TBC1D4: variants seen among roughly 807,000 people sequenced by gnomAD.
TBC1D4 encodes the protein TBC (Tre-2, BUB2, CDC16) domain-containing protein.
Under a neutral mutation model 142.5 loss-of-function variants are expected in TBC1D4, and 121 were observed. The ratio of observed to expected loss-of-function variants is 0.85; its 90% CI spans 0.73 to 0.99. The LOEUF is 0.99. Ranked by LOEUF, TBC1D4 falls within the 50% of genes least tolerant of loss-of-function variation. The pLI, the probability that TBC1D4 is intolerant of heterozygous loss-of-function variation, is 0.00. For missense variants in TBC1D4, 1,475 were observed against 1,606.6 expected (o/e 0.92, Z 1.40); for synonymous variants, 630 against 628.2 (o/e 1.00, Z -0.04).
chr13:75,330,663 T>C (rs1298598100), intron 8 of TBC1D4, among the ~76,000 whole-genome samples: 2 of 152,254 alleles, frequency 1.3e-5, no homozygotes, highest in Non-Finnish European at 2.9e-5. Context: ...CTGTTACTAC[T>C]ACATCCCTAA....
intron 7 of TBC1D4, among the ~76,000 whole-genome samples, chr13:75,338,562 A>T (rs1251217857): frequency 2.0e-5 from 3 of 152,172 alleles, no homozygotes; most frequent in African/African-American, 7.2e-5. Context: ...CTCCTCCTGT[A>T]TGATCATTTC....
intron 1 of TBC1D4, among the ~76,000 whole-genome samples, chr13:75,369,341 A>C (rs1883097200): frequency 6.6e-6 from 1 of 152,078 alleles, no homozygotes; most frequent in Admixed American, 6.5e-5. Context: ...AAAAAATTTA[A>C]ACCAGGAAGG....
intron 19 of TBC1D4, among the ~76,000 whole-genome samples, chr13:75,291,236 C>T (rs188593152): frequency 6.6e-6 from 1 of 152,150 alleles, no homozygotes; most frequent in East Asian, 1.9e-4. Context: ...TAGAAGATGC[C>T]AGCACAAGAT....
intron 1 of TBC1D4, among the ~76,000 whole-genome samples, chr13:75,449,203 CAATATTATTG>C (rs1487918659): frequency 6.6e-6 from 1 of 151,652 alleles, no homozygotes; most frequent in African/African-American, 2.4e-5. Flanking sequence ...CCTAAAACTG[CAATATTATTG>C]AATATTATTG....
At chr13:75,472,123 A>G (rs9543939) in intron 1 of TBC1D4, among the ~76,000 whole-genome samples, 111,805 of 146,848 alleles carry the variant, frequency 0.76, 44,627 homozygotes, top group East Asian at 0.97. Context: ...AAAAAAAAAA[A>G]AAAGAAAAGA....
intron 1 of TBC1D4, among the ~76,000 whole-genome samples, chr13:75,410,298 C>T (rs931116439): frequency 6.6e-6 from 1 of 152,186 alleles, no homozygotes; most frequent in East Asian, 1.9e-4. Context: ...CTAACCCAAG[C>T]CCATCTCCAC....
chr13:75,477,129 G>A (rs1192192638), intron 1 of TBC1D4, among the ~76,000 whole-genome samples: 1 of 152,170 alleles, frequency 6.6e-6, no homozygotes, highest in East Asian at 1.9e-4. Context: ...CAAAAAAAGA[G>A]ATAGATCTAT....
intron 18 of TBC1D4, among the ~76,000 whole-genome samples, chr13:75,293,316 A>T (rs919740705): frequency 6.6e-6 from 1 of 152,222 alleles, no homozygotes; most frequent in Non-Finnish European, 1.5e-5. Context: ...CTTCTTGCTC[A>T]TGCATCTTTC....
At chr13:75,345,934 C>T (rs1288909036) in intron 5 of TBC1D4, among the ~76,000 whole-genome samples, 3 of 152,138 alleles carry the variant, frequency 2.0e-5, no homozygotes, top group South Asian at 4.1e-4. Flanking sequence ...TTTTAAAACA[C>T]ACCTAGAGTC....
At chr13:75,428,542 C>A (rs777864906) in intron 1 of TBC1D4, among the ~76,000 whole-genome samples, 2 of 152,118 alleles carry the variant, frequency 1.3e-5, no homozygotes, top group African/African-American at 2.4e-5. Flanking sequence ...TTTCCTTTAG[C>A]TCTTATGAAT....
intron 1 of TBC1D4, among the ~76,000 whole-genome samples, chr13:75,463,661 G>C (rs748059946): frequency 2.6e-5 from 4 of 152,136 alleles, no homozygotes; most frequent in Non-Finnish European, 5.9e-5. Context: ...CAATTCTTTA[G>C]AAATCACAAT....
At chr13:75,320,438 G>A (rs1270465837) in intron 11 of TBC1D4, among the ~76,000 whole-genome samples, 2 of 151,898 alleles carry the variant, frequency 1.3e-5, no homozygotes, top group African/African-American at 4.8e-5. Flanking sequence ...ATAAGCAGAT[G>A]TTATAAAAAT....
intron 1 of TBC1D4, among the ~76,000 whole-genome samples, chr13:75,413,530 T>C (rs923613256): frequency 5.3e-5 from 8 of 152,140 alleles, no homozygotes; most frequent in Non-Finnish European, 1.2e-4. Flanking sequence ...GCTATCCTTA[T>C]TGTTTGTGTA....
chr13:75,386,163 A>T (rs1447030587), intron 1 of TBC1D4, among the ~76,000 whole-genome samples: 1 of 152,218 alleles, frequency 6.6e-6, no homozygotes, highest in Non-Finnish European at 1.5e-5. Context: ...TACCAATGAG[A>T]CCATCTTAAA....
Position 75,295,009 on chromosome 13 carries a change from T to TG in TBC1D4, c.3160dup (p.Gln1054ProfsTer11). 1 of 1,613,712 alleles carries TG rather than the reference T, an allele frequency of 6.2e-7. No individual in the cohort carries two copies. Among genetic ancestry groups the TG allele is most frequent in the Non-Finnish European group, 8.5e-7 (1 of 1,179,764 alleles). Reference sequence around the variant, plus strand: ...AAGGAGCCTGGACAGCTGGTACATTTGAATCTAAAGTTAATTTGGAGAAGA... The same window carrying TG: ...AAGGAGCCTGGACAGCTGGTACATTTGGAATCTAAAGTTAATTTGGAGAAGA... On this transcript the variant is annotated frameshift_variant, in exon 18 of 21. Coordinates refer to ENST00000377636, the MANE Select transcript of TBC1D4 (RefSeq NM_014832.5). LOFTEE classifies it high-confidence loss of function.
chr13:75,301,485 CA>C (rs1211280607), intron 16 of TBC1D4, among the ~76,000 whole-genome samples: 6 of 148,538 alleles, frequency 4.0e-5, no homozygotes, highest in African/African-American at 9.9e-5. Flanking sequence ...ACTAAAAATA[CA>C]AAAAAAAAAT....
At position 75,388,975 on chromosome 13, in the gene TBC1D4, T is replaced by C. The variant is rs77750620; in HGVS notation, c.499-26368A>G. Among the ~76,000 whole-genome samples the C allele has an allele frequency of 6.1e-3, 924 of 152,372 alleles. 15 individuals are homozygous for C. The highest frequency in any genetic ancestry group is 0.02 in the African/African-American group (827 of 41,584). On this transcript the variant is annotated intron_variant, in intron 1 of 20. Coordinates refer to ENST00000377636, the MANE Select transcript of TBC1D4 (RefSeq NM_014832.5). The stretch of plus-strand genomic sequence containing the variant: ...AATTTATTATTAGCAGCTCTAACTT[T>C]AGTTTTTTGTGCATAAAGTGGTTTA...
chr13:75,321,176 C>G (rs1054948498), intron 11 of TBC1D4, among the ~76,000 whole-genome samples: 1 of 151,960 alleles, frequency 6.6e-6, no homozygotes. Context: ...AAAATTATAA[C>G]TGATAGTACT....
At chr13:75,429,450 G>C (rs1057143629) in intron 1 of TBC1D4, among the ~76,000 whole-genome samples, 2 of 152,198 alleles carry the variant, frequency 1.3e-5, no homozygotes, top group African/African-American at 4.8e-5. Flanking sequence ...GGTTGACCCA[G>C]AGCTTTCTGG....
Sources: allele counts gnomAD v4.1 joint callset (sites outside exome capture counted in the v4.1 genomes callset), GRCh38; gene constraint gnomAD v4.1.1; transcripts MANE v1.5; gene names NCBI Gene and HGNC (gene_info 2026-07-23, HGNC 2026-07-21).